The following PCDH7 variants were observed in gnomAD, a reference collection of about 807,000 sequenced individuals.
PCDH7 encodes the protein protocadherin 7, also known as protocadherin-7.
A neutral mutation model predicts 58.9 loss-of-function variants in PCDH7; 17 were observed. The observed-to-expected ratio is 0.29, with a 90% CI of 0.20 to 0.43. PCDH7 has a LOEUF of 0.43. PCDH7 is among the 20% of genes least tolerant of loss of function. The pLI is 1.00. For synonymous variants in PCDH7, 664 were observed against 616.4 expected (o/e 1.08, Z -1.14); for missense variants, 1,274 against 1,441.0 (o/e 0.88, Z 1.88).
chr4:31,132,019 C>T (rs1023758253), intron 3 of PCDH7, among the ~76,000 whole-genome samples: 3 of 152,122 alleles, frequency 2.0e-5, no homozygotes, highest in Non-Finnish European at 4.4e-5. Flanking sequence ...TAGATTTTCA[C>T]ATAAAATAAT....
intron 1 of PCDH7, among the ~76,000 whole-genome samples, chr4:30,770,861 C>T (rs913870184): frequency 6.6e-6 from 1 of 152,066 alleles, no homozygotes; most frequent in South Asian, 2.1e-4. Context: ...AAAAAACAAC[C>T]ATATACACTA....
chr4:30,843,272 G>A (rs1378621919), intron 1 of PCDH7, among the ~76,000 whole-genome samples: 1 of 151,962 alleles, frequency 6.6e-6, no homozygotes, highest in Non-Finnish European at 1.5e-5. Context: ...TGCAATCTGG[G>A]CTCATTGTAA....
At chr4:31,014,620 G>T (rs1294069074) in intron 3 of PCDH7, among the ~76,000 whole-genome samples, 2 of 152,086 alleles carry the variant, frequency 1.3e-5, no homozygotes, top group African/African-American at 4.8e-5. Flanking sequence ...AAAATGTTAT[G>T]TTTAAAATAT....
At chr4:30,907,692 C>T (rs753090426) in intron 1 of PCDH7, among the ~76,000 whole-genome samples, 1 of 152,096 alleles carries the variant, frequency 6.6e-6, no homozygotes, top group African/African-American at 2.4e-5. Flanking sequence ...GACAGTGTGG[C>T]GATTCCTCAA....
intron 1 of PCDH7, chr4:30,884,509 A>G (rs2109374623): frequency 6.6e-6 from 1 of 152,300 alleles, no homozygotes; most frequent in African/African-American, 2.4e-5. Flanking sequence ...AGAAGTACAT[A>G]ATGGATGCTG....
At chr4:30,981,254 T>C (rs1750538837) in intron 3 of PCDH7, among the ~76,000 whole-genome samples, 1 of 152,250 alleles carries the variant, frequency 6.6e-6, no homozygotes, top group African/African-American at 2.4e-5. Context: ...AGATTATTAT[T>C]GATGCCATCA....
intron 1 of PCDH7, among the ~76,000 whole-genome samples, chr4:30,906,315 T>C (rs1740917229): frequency 6.6e-6 from 1 of 152,166 alleles, no homozygotes. Context: ...CTATTAAAAT[T>C]CCCTCATTTT....
At chr4:30,729,631 C>G (rs1715187655) in intron 1 of PCDH7, among the ~76,000 whole-genome samples, 1 of 152,074 alleles carries the variant, frequency 6.6e-6, no homozygotes, top group African/African-American at 2.4e-5. Context: ...TTAAAACATT[C>G]TACACATTAT....
chr4:31,126,453 C>T (rs773739622), intron 3 of PCDH7, among the ~76,000 whole-genome samples: 4 of 152,154 alleles, frequency 2.6e-5, no homozygotes, highest in East Asian at 3.9e-4. Context: ...AGCCACCTCA[C>T]GCAGGCAATT....
At chr4:31,030,902 G>A (rs777581301) in intron 3 of PCDH7, among the ~76,000 whole-genome samples, 13 of 152,184 alleles carry the variant, frequency 8.5e-5, no homozygotes, top group Non-Finnish European at 1.6e-4. Flanking sequence ...ATGAATATTT[G>A]ATGGTTTCTG....
At chr4:31,080,936 T>C (rs182244274) in intron 3 of PCDH7, among the ~76,000 whole-genome samples, 1 of 152,326 alleles carries the variant, frequency 6.6e-6, no homozygotes, top group African/African-American at 2.4e-5. Flanking sequence ...GTTTCCCCTT[T>C]CGCTTGGCTT....
chr4:31,138,312 A>T (rs1287272196), intron 3 of PCDH7, among the ~76,000 whole-genome samples: 1 of 152,156 alleles, frequency 6.6e-6, no homozygotes, highest in Non-Finnish European at 1.5e-5. Flanking sequence ...ACTTTCCAAA[A>T]TGTATAGTTT....
chr4:30,947,779 A>G (rs939272913), intron 2 of PCDH7, among the ~76,000 whole-genome samples: 2 of 152,180 alleles, frequency 1.3e-5, no homozygotes, highest in African/African-American at 4.8e-5. Flanking sequence ...CTGCAGTGGT[A>G]GAGAACACTA....
At chr4:30,756,540 C>A (rs1192610105) in intron 1 of PCDH7, among the ~76,000 whole-genome samples, 1 of 152,228 alleles carries the variant, frequency 6.6e-6, no homozygotes, top group Non-Finnish European at 1.5e-5. Flanking sequence ...ATTGTGCTGA[C>A]ACCCCGAATA....
chr4:30,841,953 G>T (rs956129850), intron 1 of PCDH7, among the ~76,000 whole-genome samples: 2 of 151,874 alleles, frequency 1.3e-5, no homozygotes, highest in African/African-American at 4.8e-5. Context: ...GTGTCAGCAG[G>T]TTAATATTAT....
At chr4:30,770,941 C>T (rs181774086) in intron 1 of PCDH7, among the ~76,000 whole-genome samples, 151 of 152,176 alleles carry the variant, frequency 9.9e-4, no homozygotes, top group African/African-American at 3.2e-3. Flanking sequence ...TTTTTTCCCA[C>T]CACAGAACAC....
Position 30,722,470 on chromosome 4 carries a change from G to A in PCDH7, c.1048G>A (p.Ala350Thr). 1 of 1,609,712 alleles carries A rather than the reference G, an allele frequency of 6.2e-7. No individual in the cohort carries two copies. The highest frequency in any genetic ancestry group is 1.3e-5 in the African/African-American group (1 of 74,898). Residue 350 changes from alanine (A) to threonine (T), a missense_variant, in exon 1 of 2, where the codon GCC becomes ACC. Ala to Thr is a moderately conservative substitution (Grantham distance 58). This residue lies in a region of PCDH7 where 331 missense variants were observed against 303.2 expected (regional missense o/e 1.09). Transcript: ENST00000361762. The surrounding 1 kb of genome is among the most constrained non-coding windows in gnomAD (Gnocchi z 7.6). ...GCAGATCGAATACGTGTTCGGGGCGGCCACCGAGTCGGTGAGGCGGCTGCT... is the reference window on the plus strand; with the variant it reads ...GCAGATCGAATACGTGTTCGGGGCGACCACCGAGTCGGTGAGGCGGCTGCT...
At chr4:31,040,836 A>G (rs1373789730) in intron 3 of PCDH7, among the ~76,000 whole-genome samples, 1 of 152,174 alleles carries the variant, frequency 6.6e-6, no homozygotes, top group African/African-American at 2.4e-5. Context: ...TCAAATTAAG[A>G]AAAGCTAAAT....
chr4:31,059,117 A>G (rs981178129), intron 3 of PCDH7, among the ~76,000 whole-genome samples: 12 of 151,942 alleles, frequency 7.9e-5, no homozygotes, highest in African/African-American at 2.7e-4. Context: ...TCTTGACTTC[A>G]TACCATTATG....
Sources: gnomAD v4.1 joint callset for allele counts (sites outside exome capture counted in the v4.1 genomes callset) on GRCh38, gnomAD v4.1.1 for gene constraint, gnomAD v4.1.1 regional missense constraint, Gnocchi (gnomAD v3.1) non-coding constraint, MANE v1.5 for transcripts, NCBI Gene and HGNC (gene_info 2026-07-23, HGNC 2026-07-21) for gene names.